Variants in RPS13 observed in about 807,000 individuals in gnomAD.
The protein encoded by RPS13 is small ribosomal subunit protein uS15.
RPS13 carries 1 observed loss-of-function variant against 24.6 expected under a neutral mutation model. That is an observed-to-expected ratio of 0.04 (90% CI 0.01 to 0.19). The LOEUF (loss-of-function observed/expected upper bound fraction) is 0.19. Ranked by LOEUF, RPS13 falls within the 10% of genes least tolerant of loss-of-function variation. The probability of loss-of-function intolerance (pLI) is 1.00; values close to 1 mark genes in which losing one functional copy is unlikely to be tolerated. For synonymous variants in RPS13, 69 were observed against 65.3 expected (o/e 1.06, Z -0.27); for missense variants, 88 against 187.4 (o/e 0.47, Z 3.10).
intron 5 of RPS13, chr11:17,074,719 T>C (rs1299695355): frequency 1.5e-6 from 1 of 686,668 alleles, no homozygotes; most frequent in Non-Finnish European, 2.7e-6. Context: ...AAACTGCGAA[T>C]GTCTGGCAAC....
chr11:17,074,982 C>G (rs1848004673), intron 5 of RPS13, 115 bp downstream of exon 5: 1 of 731,816 alleles, frequency 1.4e-6, no homozygotes, highest in African/African-American at 1.8e-5. Flanking sequence ...AAAATAGCCC[C>G]CAAGGCTGAA....
chr11:17,074,388 C>A lies in RPS13; in HGVS notation c.*45G>T. 3.4e-6 allele frequency: 5 copies of A among 1,459,540 alleles called. No individual in the cohort carries two copies. The highest frequency in any genetic ancestry group is 4.8e-6 in the Non-Finnish European group (5 of 1,041,044). The allele number at this position is 1,459,540 out of a possible 1,614,324, so 90.4% of individuals were successfully genotyped here. A position where few individuals can be genotyped will look rare whatever the true frequency, so the allele number is the denominator to read the frequency against. On this transcript the variant is annotated 3_prime_UTR_variant, in exon 6 of 6. Coordinates refer to ENST00000525634, the MANE Select transcript of RPS13 (RefSeq NM_001017.3). The stretch of plus-strand genomic sequence containing the variant: ...TCTAGGAAAATAAATATGAAACATG[C>A]TTTTAGTTAAACAATCATTTTATTG...
rs1848037766 is a variant in RPS13, at chr11:17,077,409, G to A, written c.72+20C>T. On this transcript the variant is annotated intron_variant, in intron 2 of 5. Coordinates refer to ENST00000525634, the MANE Select transcript of RPS13 (RefSeq NM_001017.3). ...CCAACCCCCTCCCCGGATTCTCCCC[G>A]GTCCCAGCGCGCTACTTACAGTGGG... The A allele has an allele frequency of 6.2e-7, 1 of 1,600,936 alleles. No homozygotes were observed. Among genetic ancestry groups the A allele is most frequent in the East Asian group, 2.2e-5 (1 of 44,516 alleles).
chr11:17,075,905 G>T (rs1197144841), intron 3 of RPS13: 1 of 537,118 alleles, frequency 1.9e-6, no homozygotes, highest in Non-Finnish European at 3.5e-6. Flanking sequence ...GGATTAATGA[G>T]ATTCCACAGC....
intron 5 of RPS13, 35 bp from the exon 6 acceptor site, chr11:17,074,501 G>C (rs768885297): frequency 3.3e-6 from 5 of 1,519,504 alleles, no homozygotes; most frequent in Non-Finnish European, 4.6e-6. Flanking sequence ...AAGAAAATCA[G>C]GATTAATACT....
Position 17,075,480 on chromosome 11 carries a change from G to C in RPS13, c.295C>G (p.Arg99Gly), listed in dbSNP as rs1848011958. ...YHLIKKAVAV[R>G]KHLERNRKDK... The stretch of plus-strand genomic sequence containing the variant: ...TTTCTGTTCCTCTCAAGATGCTTTC[G>C]AACAGCAACTGCTTTCTTAATTAAA... The change falls in exon 4 of 6, where the codon CGA becomes GGA. Residue 99 changes from arginine (R) to glycine (G), a missense_variant. Arg to Gly is a moderately radical substitution (Grantham distance 125, BLOSUM62 -2). Transcript: ENST00000525634. 1.3e-6 allele frequency: 2 copies of C among 1,584,552 alleles called. No individual in the cohort carries two copies. The highest frequency in any genetic ancestry group is 1.7e-6 in the Non-Finnish European group (2 of 1,169,730).
intron 3 of RPS13, chr11:17,075,945 T>C (rs773700659): frequency 4.5e-6 from 2 of 439,858 alleles, no homozygotes; most frequent in Non-Finnish European, 4.4e-6. Context: ...TGGTCAGATA[T>C]TCTTCTAAAA....
At position 17,077,667 on chromosome 11, in the gene RPS13, G is replaced by A. The variant is rs552234307; in HGVS notation, c.-26C>T. 37 of 1,613,554 alleles carry A rather than the reference G, an allele frequency of 2.3e-5. 2 individuals carry two copies. The South Asian group carries it at 2.4e-4, about 11-fold the overall frequency. On this transcript the variant is annotated 5_prime_UTR_variant, in exon 1 of 6. Transcript: ENST00000525634. ...GATGGCGGCGATCAGGCAACGAAAG[G>A]AGAGCGAGAGTGGAAACGCCGCAGG...
intron 5 of RPS13, chr11:17,074,862 CTATGGCCCTCTGCTTGTCTTTATTAAAGA>C (rs1848002357): frequency 1.6e-6 from 1 of 615,688 alleles, no homozygotes; most frequent in Non-Finnish European, 2.9e-6. Context: ...GGGTCTGCAA[CTATGGCCCTCTGCTTGTCTTTATTAAAGA>C]CAAGCAGCCA....
rs186961660 is a variant in RPS13, at chr11:17,074,688, A to G, written c.423-222T>C. The G allele has an allele frequency of 4.2e-4, 292 of 700,682 alleles. No homozygotes were observed. In the African/African-American group the frequency reaches 4.8e-3, roughly 12 times the overall value. The allele number at this position is 700,682 out of a possible 1,614,324, so 43.4% of individuals were successfully genotyped here. A position where few individuals can be genotyped will look rare whatever the true frequency, so the allele number is the denominator to read the frequency against. On this transcript the variant is annotated intron_variant, in intron 5 of 5. Transcript: ENST00000525634. Reference sequence around the variant, plus strand: ...CATCCAAGGAAGAACTGGCCAACATAAGGAAAAACATTTCTGGTGGAAACT... The same window carrying G: ...CATCCAAGGAAGAACTGGCCAACATGAGGAAAAACATTTCTGGTGGAAACT...
At chr11:17,075,409 G>A in intron 4 of RPS13, 45 bp downstream of exon 4, 6 of 1,443,436 alleles carry the variant, frequency 4.2e-6, no homozygotes, top group Non-Finnish European at 5.6e-6. Context: ...AAAAAATTTA[G>A]TACAAGCAGT....
At chr11:17,076,947 T>G in intron 3 of RPS13, 1 of 561,394 alleles carries the variant, frequency 1.8e-6, no homozygotes, top group South Asian at 2.3e-5. Flanking sequence ...GTGCCTCTGC[T>G]TCCTCAACTG....
intron 3 of RPS13, 80 bp from the exon 4 acceptor site, chr11:17,075,703 G>C: frequency 6.9e-6 from 8 of 1,156,664 alleles, no homozygotes; most frequent in Non-Finnish European, 1.0e-5. Context: ...CAGAAATCAG[G>C]GCATAGTTTC....
At position 17,077,608 on chromosome 11, in the gene RPS13, C is replaced by A. The variant is rs752329717; in HGVS notation, c.23+11G>T. The A allele has an allele frequency of 6.9e-7, 1 of 1,441,078 alleles. No individual in the cohort carries two copies. The highest frequency in any genetic ancestry group is 1.1e-5 in the South Asian group (1 of 88,586). 89.3% of individuals were successfully genotyped at this position (1,441,078 alleles called of 1,614,324 possible). A position where few individuals can be genotyped will look rare whatever the true frequency, so the allele number is the denominator to read the frequency against. On this transcript the variant is annotated intron_variant, in intron 1 of 5. Coordinates refer to ENST00000525634, the MANE Select transcript of RPS13 (RefSeq NM_001017.3). The stretch of plus-strand genomic sequence containing the variant: ...CCCGCCCAGCAATCCGGCTTGATGC[C>A]CCGAGCTCACCCGGGAGCATGCATG...
At chr11:17,074,980 C>T in intron 5 of RPS13, 117 bp downstream of exon 5, 2 of 714,336 alleles carry the variant, frequency 2.8e-6, no homozygotes, top group Non-Finnish European at 4.8e-6. Context: ...ACAAAATAGC[C>T]CCCAAGGCTG....
At chr11:17,075,648 T>C (rs1336822374) in intron 3 of RPS13, 25 bp from the exon 4 acceptor site, 1 of 1,561,862 alleles carries the variant, frequency 6.4e-7, no homozygotes, top group South Asian at 1.2e-5. Flanking sequence ...ACGTTTTAAC[T>C]TTCAACACGA....
Position 17,076,952 on chromosome 11 carries a change from C to A in RPS13, c.151+216G>T, listed in dbSNP as rs1848032492. 5.3e-6 allele frequency: 3 copies of A among 562,400 alleles called. No homozygotes were observed. The East Asian group carries it at 8.5e-5, about 16-fold the overall frequency. The allele number at this position is 562,400 out of a possible 1,614,324, so 34.8% of individuals were successfully genotyped here. A position where few individuals can be genotyped will look rare whatever the true frequency, so the allele number is the denominator to read the frequency against. On this transcript the variant is annotated intron_variant, in intron 3 of 5. Transcript: ENST00000525634. Reference sequence around the variant, plus strand: ...CAGCGGCAGTGTGCCTCTGCTTCCTCAACTGTAAACTGGGGTGAAAGCCAT... The same window carrying A: ...CAGCGGCAGTGTGCCTCTGCTTCCTAAACTGTAAACTGGGGTGAAAGCCAT...
chr11:17,077,301 A>T, intron 2 of RPS13, 55 bp from the exon 3 acceptor site: 1 of 1,578,194 alleles, frequency 6.3e-7, no homozygotes. Flanking sequence ...GGCGCCGCAG[A>T]ACAGCGGTCT....
chr11:17,075,026 T>C (rs543861323), intron 5 of RPS13, 71 bp downstream of exon 5: 3 of 1,041,580 alleles, frequency 2.9e-6, no homozygotes, highest in East Asian at 2.4e-5. Flanking sequence ...GCTGAACATA[T>C]TTACTACTAG....
Sources: gnomAD v4.1 joint callset for allele counts on GRCh38, gnomAD v4.1.1 for gene constraint, MANE v1.5 for transcripts, NCBI Gene and HGNC (gene_info 2026-07-23, HGNC 2026-07-21) for gene names.